Variants in LYRM4 observed in about 807,000 individuals in gnomAD.
LYRM4 encodes the protein LYR motif-containing protein 4.
In LYRM4, 9 loss-of-function variants were observed where a neutral mutation model predicts 11.7. The ratio of observed to expected loss-of-function variants is 0.77; its 90% CI spans 0.46 to 1.34. The LOEUF (loss-of-function observed/expected upper bound fraction) is 1.34, where lower values mean the gene tolerates loss of function less well. LYRM4 is among the 40% of genes most tolerant of loss of function. LYRM4 has a pLI of 0.00. For missense variants in LYRM4, 133 were observed against 112.5 expected (o/e 1.18, Z -0.82); for synonymous variants, 42 against 40.4 (o/e 1.04, Z -0.15).
intron 2 of LYRM4, among the ~76,000 whole-genome samples, chr6:5,139,096 A>G (rs143310004): frequency 2.0e-5 from 3 of 152,286 alleles, no homozygotes; most frequent in African/African-American, 7.2e-5. Context: ...CCTTGTTAAC[A>G]CTCTCTGGAA....
the LYRM4 span, chr6:5,033,541 C>T: frequency 1.3e-5 from 2 of 152,192 alleles, no homozygotes; most frequent in Non-Finnish European, 2.9e-5. Context: ...CCCTGAGGAC[C>T]TCTATCCCTG....
intron 1 of LYRM4, among the ~76,000 whole-genome samples, chr6:5,253,329 A>G (rs1475902852): frequency 6.6e-6 from 1 of 152,190 alleles, no homozygotes; most frequent in Admixed American, 6.5e-5. Context: ...TGCAAAAGGA[A>G]TGCAGTTTTT....
intron 2 of LYRM4, among the ~76,000 whole-genome samples, chr6:5,145,714 A>G (rs1476364913): frequency 6.6e-6 from 1 of 152,246 alleles, no homozygotes; most frequent in Admixed American, 6.5e-5. Flanking sequence ...AGAAAACATC[A>G]GAAAGGTCAC....
chr6:5,060,673 A>G, the LYRM4 span, among the ~76,000 whole-genome samples: 1 of 152,080 alleles, frequency 6.6e-6, no homozygotes, highest in Non-Finnish European at 1.5e-5. Context: ...GATTACAGGC[A>G]TGCGCCATCA....
chr6:5,089,296 TA>T, the LYRM4 span: 1 of 152,246 alleles, frequency 6.6e-6, no homozygotes, highest in Non-Finnish European at 1.5e-5. Context: ...TACCATTTCT[TA>T]AAAGTACATT....
At chr6:5,242,369 G>A (rs2773304) in intron 1 of LYRM4, among the ~76,000 whole-genome samples, 43,253 of 151,062 alleles carry the variant, frequency 0.29, 7,814 homozygotes, top group African/African-American at 0.51. Flanking sequence ...ACTGCGCCCG[G>A]CCACTTATAC....
At chr6:5,124,951 C>T (rs1763635212) in intron 2 of LYRM4, among the ~76,000 whole-genome samples, 1 of 152,212 alleles carries the variant, frequency 6.6e-6, no homozygotes, top group African/African-American at 2.4e-5. Flanking sequence ...TGACATGAGA[C>T]TGTGAGCCCC....
the LYRM4 span, among the ~76,000 whole-genome samples, chr6:5,073,508 C>T: frequency 3.4e-5 from 5 of 147,346 alleles, no homozygotes; most frequent in African/African-American, 1.2e-4. Context: ...CTATATATAT[C>T]TCTCTATATA....
intron 2 of LYRM4, chr6:5,144,242 G>A (rs970004838): frequency 7.8e-6 from 12 of 1,536,900 alleles, no homozygotes; most frequent in Middle Eastern, 1.7e-4. Flanking sequence ...TCCTCCTGGC[G>A]GCTGTGCCTT....
chr6:5,167,288 C>T (rs1032986783), intron 2 of LYRM4, among the ~76,000 whole-genome samples: 1 of 152,194 alleles, frequency 6.6e-6, no homozygotes, highest in Non-Finnish European at 1.5e-5. Context: ...TCTCTTATCC[C>T]TCTGGTCACC....
At chr6:5,152,543 G>A (rs1758148273) in intron 2 of LYRM4, among the ~76,000 whole-genome samples, 1 of 152,188 alleles carries the variant, frequency 6.6e-6, no homozygotes, top group Non-Finnish European at 1.5e-5. Flanking sequence ...CATGGCTGGT[G>A]GAGGCAAACG....
rs553305279 is a variant in LYRM4 at position 5,197,946 on chromosome 6, G to T, written c.207+18672C>A. Among the ~76,000 whole-genome samples the T allele has an allele frequency of 1.3e-3, 192 of 152,170 alleles. 1 individual carries two copies. Among genetic ancestry groups the T allele is most frequent in the African/African-American group, 4.3e-3 (179 of 41,532 alleles). Reference sequence around the variant, plus strand: ...AGCACTTTGGGAGGCTGAGGTGGGCGGATCACCTGAGGTCAGGAGTGCAAG... The same window carrying T: ...AGCACTTTGGGAGGCTGAGGTGGGCTGATCACCTGAGGTCAGGAGTGCAAG... On this transcript the variant is annotated intron_variant, in intron 2 of 2. Transcript: ENST00000330636.
chr6:5,077,185 C>T, the LYRM4 span, among the ~76,000 whole-genome samples: 1 of 152,208 alleles, frequency 6.6e-6, no homozygotes, highest in South Asian at 2.1e-4. Context: ...AGGTCAGCCA[C>T]GCCGTCTACT....
downstream of LYRM4, chr6:5,102,507 TCAA>T (rs1353581746): frequency 4.6e-5 from 7 of 152,216 alleles, no homozygotes; most frequent in Admixed American, 4.6e-4. Context: ...GTGAAATGTT[TCAA>T]CAATATTTAA....
At chr6:5,126,188 T>C (rs1239451079) in intron 2 of LYRM4, among the ~76,000 whole-genome samples, 1 of 152,220 alleles carries the variant, frequency 6.6e-6, no homozygotes, top group African/African-American at 2.4e-5. Flanking sequence ...TGCAGAACAA[T>C]GACTCTTCCA....
chr6:5,120,412 GTC>G (rs780572403), intron 2 of LYRM4, among the ~76,000 whole-genome samples: 1 of 152,154 alleles, frequency 6.6e-6, no homozygotes, highest in African/African-American at 2.4e-5. Context: ...TGGGTTCGTG[GTC>G]TCTCTGACTT....
chr6:5,258,547 A>G (rs1220126618), intron 1 of LYRM4, among the ~76,000 whole-genome samples: 2 of 152,212 alleles, frequency 1.3e-5, no homozygotes, highest in Admixed American at 6.5e-5. Flanking sequence ...AGCTGCAGAG[A>G]TTAGAGAGGA....
At chr6:5,080,598 G>A in the LYRM4 span, among the ~76,000 whole-genome samples, 1 of 152,198 alleles carries the variant, frequency 6.6e-6, no homozygotes. Context: ...ATCTCGGGCT[G>A]TGCAAGTGTG....
chr6:5,060,883 G>T, the LYRM4 span, among the ~76,000 whole-genome samples: 19,079 of 152,102 alleles, frequency 0.13, 1,223 homozygotes, highest in Admixed American at 0.17. Flanking sequence ...GAGAGATTCT[G>T]CCCACCCCAT....
Sources: allele counts gnomAD v4.1 joint callset (sites outside exome capture counted in the v4.1 genomes callset), GRCh38; gene constraint gnomAD v4.1.1; transcripts MANE v1.5; gene names NCBI Gene and HGNC (gene_info 2026-07-23, HGNC 2026-07-21).